Variants in UGT2B7 observed in about 807,000 individuals in gnomAD.
UGT2B7 encodes the protein UDP-glucuronosyltransferase 2B7.
A neutral mutation model predicts 51.9 loss-of-function variants in UGT2B7; 51 were observed. The observed-to-expected ratio is 0.98, with a 90% CI of 0.78 to 1.24. The LOEUF is 1.24. Ranked by LOEUF, UGT2B7 falls within the 50% of genes most tolerant of loss-of-function variation. UGT2B7 has a pLI of 0.00. For synonymous variants in UGT2B7, 225 were observed against 211.6 expected (o/e 1.06, Z -0.55); for missense variants, 727 against 628.4 (o/e 1.16, Z -1.68).
At chr4:69,082,820 G>A (rs1056210091) in intron 1 of UGT2B7, among the ~76,000 whole-genome samples, 8 of 152,076 alleles carry the variant, frequency 5.3e-5, no homozygotes, top group Non-Finnish European at 1.0e-4. Flanking sequence ...TTGACAAAAC[G>A]GTCCTTTATT....
intron 1 of UGT2B7, among the ~76,000 whole-genome samples, chr4:69,061,958 G>T (rs1185148257): frequency 6.6e-6 from 1 of 152,110 alleles, no homozygotes; most frequent in Non-Finnish European, 1.5e-5. Flanking sequence ...AGTTGATGAA[G>T]GTATTGTTAA....
At chr4:69,063,318 CAA>C (rs556109411) in intron 1 of UGT2B7, among the ~76,000 whole-genome samples, 2 of 23,834 alleles carry the variant, frequency 8.4e-5, no homozygotes, top group Admixed American at 4.5e-4. Flanking sequence ...GACTCCGTCT[CAA>C]AAAAAAAAAA....
intron 1 of UGT2B7, among the ~76,000 whole-genome samples, chr4:69,068,579 A>G (rs1210285265): frequency 6.6e-6 from 1 of 152,018 alleles, no homozygotes; most frequent in African/African-American, 2.4e-5. Context: ...TGAAAAATGA[A>G]GATAACTTTT....
chr4:69,079,399 G>C (rs1381291740), intron 1 of UGT2B7, among the ~76,000 whole-genome samples: 1 of 152,078 alleles, frequency 6.6e-6, no homozygotes, highest in African/African-American at 2.4e-5. Context: ...GGAGTTAAAG[G>C]GTCCAGCTCA....
chr4:69,081,187 A>G (rs7679550), intron 1 of UGT2B7, among the ~76,000 whole-genome samples: 87,690 of 151,972 alleles, frequency 0.58, 26,310 homozygotes, highest in African/African-American at 0.71. Flanking sequence ...GGCATTATCA[A>G]TGTTTTGACC....
intron 1 of UGT2B7, among the ~76,000 whole-genome samples, chr4:69,060,700 G>A (rs1033814431): frequency 1.2e-4 from 18 of 152,294 alleles, no homozygotes; most frequent in African/African-American, 4.1e-4. Flanking sequence ...AGCTATCACT[G>A]CTCGGCTGGC....
intron 2 of UGT2B7, among the ~76,000 whole-genome samples, chr4:69,089,758 C>T (rs1221397915): frequency 6.6e-6 from 1 of 152,152 alleles, no homozygotes; most frequent in East Asian, 1.9e-4. Flanking sequence ...TATGTGGGCT[C>T]AACTAATCAT....
chr4:69,112,444 T>G lies in UGT2B7; in HGVS notation c.1311-13T>G, dbSNP rs1169393155. ...CTTCCTGCTACATTACTGTCTTTAT[T>G]TTTATCTTTCAGATATAAAGAGAAT... On this transcript the variant is annotated splice_polypyrimidine_tract_variant and intron_variant, in intron 5 of 5. Transcript: ENST00000305231. 1.9e-6 allele frequency: 3 copies of G among 1,609,862 alleles called. No homozygotes were observed. Among genetic ancestry groups the G allele is most frequent in the South Asian group, 2.2e-5 (2 of 90,450 alleles).
chr4:69,064,094 A>AAGAAAGAG (rs1560499755), intron 1 of UGT2B7, among the ~76,000 whole-genome samples: 225 of 84,378 alleles, frequency 2.7e-3, no homozygotes, highest in Non-Finnish European at 3.1e-3. Flanking sequence ...GAAAGAAAGA[A>AAGAAAGAG]AGAGAAAGAA....
chr4:69,108,237 AG>A lies in UGT2B7; in HGVS notation c.1229del (p.Gly410GlufsTer17), dbSNP rs1218521531. The A allele has an allele frequency of 1.2e-6, 2 of 1,613,780 alleles. No homozygotes were observed. The highest frequency in any genetic ancestry group is 1.3e-5 in the African/African-American group (1 of 75,024). On this transcript the variant is annotated frameshift_variant, in exon 5 of 6. Coordinates refer to ENST00000305231, the MANE Select transcript of UGT2B7 (RefSeq NM_001074.4). LOFTEE classifies it high-confidence loss of function. The stretch of plus-strand genomic sequence containing the variant: ...TGATAACATTGCTCACATGAAGGCC[AG>A]GGGAGCAGCTGTTAGAGTGGACTTC... ...QPDNIAHMKA[R>X]GAAVRVDFNT...
intron 1 of UGT2B7, among the ~76,000 whole-genome samples, chr4:69,057,667 C>T (rs1039933430): frequency 2.6e-5 from 4 of 152,242 alleles, no homozygotes; most frequent in East Asian, 1.9e-4. Flanking sequence ...CAACCGGGTC[C>T]GACTGGTCTA....
At chr4:69,087,927 A>G (rs1186919934) in intron 1 of UGT2B7, among the ~76,000 whole-genome samples, 1 of 151,622 alleles carries the variant, frequency 6.6e-6, no homozygotes, top group Admixed American at 6.6e-5. Context: ...TTTGGGAAAT[A>G]CTCTTCGGAT....
intron 1 of UGT2B7, among the ~76,000 whole-genome samples, chr4:69,064,042 A>C (rs200515400): frequency 0.02 from 2,095 of 102,614 alleles, 51 homozygotes; most frequent in East Asian, 0.061. Flanking sequence ...GAAAGAAAGA[A>C]AGAAAGAAAG....
chr4:69,064,036 GAAAGAAAGAAA>G (rs1718418092), intron 1 of UGT2B7, among the ~76,000 whole-genome samples: 1 of 79,728 alleles, frequency 1.3e-5, no homozygotes, highest in Admixed American at 1.2e-4. Context: ...AAGAAAGAAA[GAAAGAAAGAAA>G]GAAAGAAAGA....
intron 1 of UGT2B7, among the ~76,000 whole-genome samples, chr4:69,071,882 T>C (rs1718609892): frequency 6.6e-6 from 1 of 152,126 alleles, no homozygotes; most frequent in South Asian, 2.1e-4. Context: ...GGGGAAATTA[T>C]GTAGCTCAAC....
chr4:69,057,865 T>C (rs1353499085), intron 1 of UGT2B7, among the ~76,000 whole-genome samples: 1 of 152,142 alleles, frequency 6.6e-6, no homozygotes, highest in African/African-American at 2.4e-5. Context: ...AGAATAGCCC[T>C]CTTTTGGTGT....
At chr4:69,103,996 T>C (rs1719511123) in intron 3 of UGT2B7, among the ~76,000 whole-genome samples, 1 of 152,084 alleles carries the variant, frequency 6.6e-6, no homozygotes. Context: ...TGATTAAAAG[T>C]GTAAACTATA....
intron 5 of UGT2B7, among the ~76,000 whole-genome samples, chr4:69,110,877 T>G (rs1719752483): frequency 6.6e-6 from 1 of 152,180 alleles, no homozygotes; most frequent in Admixed American, 6.5e-5. Flanking sequence ...GTATGAATAT[T>G]TATCTTTTGT....
intron 1 of UGT2B7, among the ~76,000 whole-genome samples, chr4:69,060,624 G>A (rs1359306040): frequency 6.6e-6 from 1 of 152,292 alleles, no homozygotes; most frequent in East Asian, 1.9e-4. Flanking sequence ...GGCATCACCC[G>A]GTGGCATACC....
Sources: gnomAD v4.1 joint callset for allele counts (sites outside exome capture counted in the v4.1 genomes callset) on GRCh38, gnomAD v4.1.1 for gene constraint, MANE v1.5 for transcripts, NCBI Gene and HGNC (gene_info 2026-07-23, HGNC 2026-07-21) for gene names.